Variants in PCDHA9 observed in about 807,000 individuals in gnomAD.
PCDHA9 encodes the protein protocadherin alpha-9.
PCDHA9 carries 62 observed loss-of-function variants against 62.0 expected under a neutral mutation model. The observed-to-expected ratio is 1.00, with a 90% CI of 0.81 to 1.23. The LOEUF (loss-of-function observed/expected upper bound fraction) is 1.23, where lower values mean the gene tolerates loss of function less well. Ranked by LOEUF, PCDHA9 falls within the 50% of genes most tolerant of loss-of-function variation. PCDHA9 has a pLI of 0.00. For synonymous variants in PCDHA9, 557 were observed against 567.6 expected (o/e 0.98, Z 0.27); for missense variants, 1,205 against 1,249.8 (o/e 0.96, Z 0.54).
chr5:140,915,374 G>A (rs1310466402), intron 1 of PCDHA9, among the ~76,000 whole-genome samples: 3 of 152,016 alleles, frequency 2.0e-5, no homozygotes, highest in Non-Finnish European at 4.4e-5. Flanking sequence ...TAAGTGTCTC[G>A]GCATTGAAGA....
intron 1 of PCDHA9, among the ~76,000 whole-genome samples, chr5:140,951,140 C>G (rs1322025119): frequency 9.9e-6 from 1 of 100,842 alleles, no homozygotes; most frequent in Non-Finnish European, 2.0e-5. Context: ...TTTCCTTTAT[C>G]TTATTGAATA....
intron 3 of PCDHA9, among the ~76,000 whole-genome samples, chr5:141,007,707 C>T (rs1027610738): frequency 6.6e-6 from 1 of 152,172 alleles, no homozygotes; most frequent in Non-Finnish European, 1.5e-5. Context: ...CCTCTGCCTC[C>T]CACCACCAGG....
intron 1 of PCDHA9, among the ~76,000 whole-genome samples, chr5:140,965,769 A>G (rs571022357): frequency 2.0e-5 from 3 of 152,376 alleles, no homozygotes; most frequent in Admixed American, 2.0e-4. Flanking sequence ...GTCAAATAAT[A>G]GATTTGCCTA....
chr5:140,863,136 G>A (rs1554157813), intron 1 of PCDHA9: 5 of 603,754 alleles, frequency 8.3e-6, no homozygotes, highest in South Asian at 5.5e-5. Context: ...ACCGCCTGCT[G>A]GTGCTGGTGA....
chr5:140,999,015 C>G (rs2097843117), intron 3 of PCDHA9, among the ~76,000 whole-genome samples: 1 of 152,280 alleles, frequency 6.6e-6, no homozygotes, highest in East Asian at 1.9e-4. Context: ...GATTTGAACC[C>G]AAGACTTTTG....
At chr5:140,950,706 G>A (rs72802969) in intron 1 of PCDHA9, among the ~76,000 whole-genome samples, 841 of 152,058 alleles carry the variant, frequency 5.5e-3, no homozygotes, top group Middle Eastern at 0.017. Flanking sequence ...ACAAATTTTT[G>A]TTCCTTATAT....
At position 140,853,857 on chromosome 5, in the gene PCDHA9, A is replaced by C. The variant is rs2042888129; in HGVS notation, c.2394+2968A>C. ...AATTTTAGATCCATAGCCCTATTTG[A>C]TACTTGACAGTGCAAGTTTCTGTAA... On this transcript the variant is annotated intron_variant, in intron 1 of 3. Transcript: ENST00000532602. 6.1e-6 allele frequency: 6 copies of C among 985,610 alleles called. 1 individual carries two copies. The highest frequency in any genetic ancestry group is 7.3e-6 in the Non-Finnish European group (6 of 817,684). 61.1% of individuals were successfully genotyped at this position (985,610 alleles called of 1,614,324 possible).
chr5:140,963,666 ATAGT>A (rs1254219157), intron 1 of PCDHA9, among the ~76,000 whole-genome samples: 1 of 152,216 alleles, frequency 6.6e-6, no homozygotes, highest in African/African-American at 2.4e-5. Flanking sequence ...CCTATATGGC[ATAGT>A]TAAATGTGTT....
chr5:140,912,145 C>T (rs561351882), intron 1 of PCDHA9, among the ~76,000 whole-genome samples: 1 of 152,302 alleles, frequency 6.6e-6, no homozygotes, highest in African/African-American at 2.4e-5. Flanking sequence ...CCATGTTCTT[C>T]TGCCTGTTTT....
At position 140,871,409 on chromosome 5, in the gene PCDHA9, T is replaced by C. The variant is rs2053060094; in HGVS notation, c.2394+20520T>C. The C allele has an allele frequency of 1.2e-6, 2 of 1,613,974 alleles. No homozygotes were observed. Among genetic ancestry groups the C allele is most frequent in the African/African-American group, 1.3e-5 (1 of 74,954 alleles). On this transcript the variant is annotated intron_variant, in intron 1 of 3. Coordinates refer to ENST00000532602, the MANE Select transcript of PCDHA9 (RefSeq NM_031857.2). ...GAGGGCCCACCTAAGACGGACCTCATGGCCTTCAGCCCCAGTCTTCCTCTA... is the reference window on the plus strand; with the variant it reads ...GAGGGCCCACCTAAGACGGACCTCACGGCCTTCAGCCCCAGTCTTCCTCTA...
intron 1 of PCDHA9, chr5:140,856,840 C>G: frequency 6.3e-7 from 1 of 1,591,894 alleles, no homozygotes; most frequent in Non-Finnish European, 8.6e-7. Flanking sequence ...TACGGCTCAA[C>G]GCTTCTGATT....
chr5:140,902,572 G>A (rs1249141591), intron 1 of PCDHA9, among the ~76,000 whole-genome samples: 1 of 151,954 alleles, frequency 6.6e-6, no homozygotes, highest in Non-Finnish European at 1.5e-5. Flanking sequence ...GGGTTTTTAA[G>A]ATTTCAATAG....
chr5:140,856,947 A>T (rs1486886568), intron 1 of PCDHA9: 1 of 1,592,258 alleles, frequency 6.3e-7, no homozygotes. Flanking sequence ...AGGACGGGAG[A>T]AATAAAAGTA....
intron 1 of PCDHA9, among the ~76,000 whole-genome samples, chr5:140,887,519 T>C (rs1460911624): frequency 1.3e-5 from 2 of 152,190 alleles, no homozygotes; most frequent in East Asian, 3.8e-4. Flanking sequence ...CTTTTTTATA[T>C]ATGAGTCTTC....
chr5:140,922,337 T>C lies in PCDHA9; in HGVS notation c.2395-56612T>C, dbSNP rs150639608. On this transcript the variant is annotated intron_variant, in intron 1 of 3. Transcript: ENST00000532602. ...GAAGATCTTGGAAAGGGTTGGTATA[T>C]TGGTATTTTCTAGAGTAGTGATTCT... Among the ~76,000 whole-genome samples the C allele has an allele frequency of 3.4e-3, 512 of 152,346 alleles. 3 individuals carry two copies. The highest frequency in any genetic ancestry group is 0.012 in the African/African-American group (489 of 41,580).
intron 3 of PCDHA9, among the ~76,000 whole-genome samples, chr5:140,990,850 T>C (rs528860965): frequency 3.3e-5 from 5 of 152,312 alleles, no homozygotes; most frequent in African/African-American, 1.2e-4. Context: ...AATAGAGCCC[T>C]GAGGACATTG....
chr5:140,985,298 C>T (rs770798262), intron 3 of PCDHA9, among the ~76,000 whole-genome samples: 1 of 152,124 alleles, frequency 6.6e-6, no homozygotes, highest in Non-Finnish European at 1.5e-5. Context: ...ATAGTGTTGG[C>T]TGATAGCCTG....
rs189687890 is a variant in PCDHA9 at position 140,972,728 on chromosome 5, A to G, written c.2395-6221A>G. ...TGCCAGGCTGGAGTGCAGTGGCGTA[A>G]TCCCGGCTCACTGCAACCTCCGCCT... On this transcript the variant is annotated intron_variant, in intron 1 of 3. Transcript: ENST00000532602. Among the ~76,000 whole-genome samples the G allele has an allele frequency of 6.0e-3, 882 of 147,958 alleles. 8 individuals carry two copies. Among genetic ancestry groups the G allele is most frequent in the African/African-American group, 0.021 (847 of 39,742 alleles).
At chr5:141,002,220 G>A (rs2098065627) in intron 3 of PCDHA9, among the ~76,000 whole-genome samples, 1 of 152,196 alleles carries the variant, frequency 6.6e-6, no homozygotes. Context: ...TCAAAATGAT[G>A]GGTTTTCTGG....
Sources: gnomAD v4.1 joint callset for allele counts (sites outside exome capture counted in the v4.1 genomes callset) on GRCh38, gnomAD v4.1.1 for gene constraint, MANE v1.5 for transcripts, NCBI Gene and HGNC (gene_info 2026-07-23, HGNC 2026-07-21) for gene names.